Variants in SGCZ observed in about 807,000 individuals in gnomAD.
The protein encoded by SGCZ is sarcoglycan zeta.
A neutral mutation model predicts 41.3 loss-of-function variants in SGCZ; 40 were observed. The ratio of observed to expected loss-of-function variants is 0.97; its 90% CI spans 0.75 to 1.26. SGCZ has a LOEUF of 1.26. Among genes scored for constraint, SGCZ ranks in the 50% most tolerant of loss-of-function variants. SGCZ has a pLI of 0.00. For missense variants in SGCZ, 552 were observed against 369.8 expected (o/e 1.49, Z -4.04); for synonymous variants, 206 against 137.5 (o/e 1.50, Z -3.49).
intron 1 of SGCZ, among the ~76,000 whole-genome samples, chr8:14,870,161 G>T (rs1010574185): frequency 1.3e-5 from 2 of 152,118 alleles, no homozygotes; most frequent in Non-Finnish European, 2.9e-5. Context: ...CACACTACCT[G>T]ACTTCAAACT....
At chr8:15,151,485 T>C (rs998358844) in intron 1 of SGCZ, among the ~76,000 whole-genome samples, 3 of 152,194 alleles carry the variant, frequency 2.0e-5, no homozygotes, top group Admixed American at 6.5e-5. Context: ...AAATATAACA[T>C]TGAAAATGAA....
intron 1 of SGCZ, among the ~76,000 whole-genome samples, chr8:15,162,343 C>T (rs572218111): frequency 1.9e-4 from 29 of 152,166 alleles, no homozygotes; most frequent in Non-Finnish European, 3.2e-4. Flanking sequence ...CCACCTCTAA[C>T]CCAAAGGAAC....
intron 1 of SGCZ, among the ~76,000 whole-genome samples, chr8:15,213,938 T>A (rs1178655095): frequency 2.0e-5 from 3 of 152,046 alleles, no homozygotes; most frequent in Admixed American, 2.0e-4. Context: ...ATTATACTTA[T>A]TTTGGGGTTC....
chr8:15,211,985 A>T (rs911669506), intron 1 of SGCZ, among the ~76,000 whole-genome samples: 1 of 152,158 alleles, frequency 6.6e-6, no homozygotes, highest in Non-Finnish European at 1.5e-5. Flanking sequence ...GAAAGGGAAC[A>T]AATGAAATGT....
At chr8:14,510,534 G>A (rs563015701) in intron 2 of SGCZ, among the ~76,000 whole-genome samples, 2 of 152,172 alleles carry the variant, frequency 1.3e-5, no homozygotes, top group South Asian at 4.1e-4. Flanking sequence ...TAATAACAGA[G>A]AAAAAATGGA....
rs750612233 is a variant in SGCZ, at chr8:14,102,498, G to C, written c.622C>G (p.Leu208Val). 12 of 1,395,504 alleles carry C rather than the reference G, an allele frequency of 8.6e-6. No individual in the cohort carries two copies. The African/African-American group carries it at 1.3e-4, about 16-fold the overall frequency. The allele number at this position is 1,395,504 out of a possible 1,614,324, so 86.4% of individuals were successfully genotyped here. The stretch of plus-strand genomic sequence containing the variant: ...ATCAAGGATCTGGTGGGTGATTCAA[G>C]CCTAAGGGAAAAACAAAAAATCATT... ...IRAEPSQDLRLESPTRSLIME... is the reference protein window; with the variant it reads ...IRAEPSQDLRVESPTRSLIME... The change falls in exon 7 of 8, where the codon CTT becomes GTT. Residue 208 changes from leucine to valine, a missense_variant and splice_region_variant. Coordinates refer to ENST00000382080, the MANE Select transcript of SGCZ (RefSeq NM_139167.4).
chr8:14,632,963 T>C (rs1001599283), intron 1 of SGCZ, among the ~76,000 whole-genome samples: 26 of 151,784 alleles, frequency 1.7e-4, no homozygotes, highest in African/African-American at 6.3e-4. Context: ...TTTTTGCTTG[T>C]TAATAAGTGA....
At chr8:15,191,716 T>A (rs1800547251) in intron 1 of SGCZ, among the ~76,000 whole-genome samples, 1 of 152,000 alleles carries the variant, frequency 6.6e-6, no homozygotes, top group African/African-American at 2.4e-5. Context: ...ATAAAGCATG[T>A]ACAAATAATA....
chr8:14,357,376 T>C (rs1406803357), intron 2 of SGCZ, among the ~76,000 whole-genome samples: 1 of 152,210 alleles, frequency 6.6e-6, no homozygotes, highest in Non-Finnish European at 1.5e-5. Flanking sequence ...TTCCATGTTA[T>C]TTTTGACTGA....
chr8:14,781,050 G>A (rs1800572917), intron 1 of SGCZ, among the ~76,000 whole-genome samples: 1 of 152,088 alleles, frequency 6.6e-6, no homozygotes, highest in East Asian at 1.9e-4. Context: ...TATTTAGTAT[G>A]GAATTAAGTT....
intron 1 of SGCZ, among the ~76,000 whole-genome samples, chr8:14,645,368 T>G (rs1360404173): frequency 1.3e-5 from 2 of 150,444 alleles, no homozygotes. Flanking sequence ...TTTTCCTTTA[T>G]TTTTGTAACA....
intron 1 of SGCZ, among the ~76,000 whole-genome samples, chr8:14,699,275 G>C (rs1040252550): frequency 2.0e-5 from 3 of 149,736 alleles, no homozygotes; most frequent in African/African-American, 7.4e-5. Context: ...CAGATACATA[G>C]ACCAATGGAA....
intron 1 of SGCZ, among the ~76,000 whole-genome samples, chr8:14,574,139 C>T (rs560755642): frequency 8.5e-5 from 13 of 152,208 alleles, no homozygotes; most frequent in Admixed American, 2.0e-4. Flanking sequence ...GCATTTGATG[C>T]AGGTTTCATA....
intron 1 of SGCZ, among the ~76,000 whole-genome samples, chr8:14,577,288 A>G (rs1223971643): frequency 1.3e-5 from 2 of 151,916 alleles, no homozygotes; most frequent in African/African-American, 2.4e-5. Context: ...TGTCATAAAT[A>G]TTTCAATTTT....
intron 2 of SGCZ, among the ~76,000 whole-genome samples, chr8:14,546,334 CA>C (rs1803626102): frequency 6.6e-6 from 1 of 152,108 alleles, no homozygotes. Context: ...GAAAGGCGGG[CA>C]AAAACTACGG....
chr8:14,244,831 A>G (rs1799027249), intron 3 of SGCZ, among the ~76,000 whole-genome samples: 1 of 152,050 alleles, frequency 6.6e-6, no homozygotes, highest in East Asian at 1.9e-4. Context: ...TTGGATTCCT[A>G]GGTATTTTAT....
chr8:15,013,002 A>C (rs929722320), intron 1 of SGCZ, among the ~76,000 whole-genome samples: 1 of 152,038 alleles, frequency 6.6e-6, no homozygotes, highest in African/African-American at 2.4e-5. Flanking sequence ...GCTGTTCTGT[A>C]GTATGGTGTC....
In SGCZ at chr8:14,246,137, C is replaced by T. The variant is rs534636215; in HGVS notation, c.337-8458G>A. ...ATTAGAAATCATGCTGCTATAAAGACACATGCACATGTATGTTTATTGCGG... is the reference window on the plus strand; with the variant it reads ...ATTAGAAATCATGCTGCTATAAAGATACATGCACATGTATGTTTATTGCGG... On this transcript the variant is annotated intron_variant, in intron 3 of 7. Coordinates refer to ENST00000382080, the MANE Select transcript of SGCZ (RefSeq NM_139167.4). Among the ~76,000 whole-genome samples, 593 of 152,266 alleles carry T rather than the reference C, an allele frequency of 3.9e-3. 4 individuals are homozygous for T. Among genetic ancestry groups the T allele is most frequent in the Non-Finnish European group, 6.9e-3 (468 of 68,028 alleles).
At chr8:14,911,023 G>A (rs1799266754) in intron 1 of SGCZ, among the ~76,000 whole-genome samples, 1 of 151,830 alleles carries the variant, frequency 6.6e-6, no homozygotes, top group Non-Finnish European at 1.5e-5. Context: ...TCCTTACTTT[G>A]AGTATAATGT....
Sources: gnomAD v4.1 joint callset for allele counts (sites outside exome capture counted in the v4.1 genomes callset) on GRCh38, gnomAD v4.1.1 for gene constraint, MANE v1.5 for transcripts, NCBI Gene and HGNC (gene_info 2026-07-23, HGNC 2026-07-21) for gene names.